CCDC122: variants seen among roughly 807,000 people sequenced by gnomAD.
CCDC122 encodes coiled-coil domain-containing protein 122.
CCDC122 carries 38 observed loss-of-function variants against 37.0 expected under a neutral mutation model. That is an observed-to-expected ratio of 1.03 (90% CI 0.79 to 1.35). The LOEUF is 1.35. Ranked by LOEUF, CCDC122 falls within the 40% of genes most tolerant of loss-of-function variation. The pLI, the probability that CCDC122 is intolerant of heterozygous loss-of-function variation, is 0.00. For missense variants in CCDC122, 305 were observed against 310.0 expected (o/e 0.98, Z 0.12); for synonymous variants, 83 against 95.6 (o/e 0.87, Z 0.77).
At chr13:43,845,527 A>G (rs1209727628) in intron 6 of CCDC122, among the ~76,000 whole-genome samples, 1 of 152,200 alleles carries the variant, frequency 6.6e-6, no homozygotes, top group Non-Finnish European at 1.5e-5. Flanking sequence ...CCTGGCCAGC[A>G]TGGCAAAACC....
intron 4 of CCDC122, among the ~76,000 whole-genome samples, chr13:43,867,246 G>A (rs1016546703): frequency 6.6e-6 from 1 of 151,994 alleles, no homozygotes; most frequent in Non-Finnish European, 1.5e-5. Flanking sequence ...TTAGAATAAA[G>A]TTGAAGTTTC....
intron 3 of CCDC122, among the ~76,000 whole-genome samples, chr13:43,824,712 T>C (rs1442637551): frequency 6.6e-6 from 1 of 151,816 alleles, no homozygotes; most frequent in Non-Finnish European, 1.5e-5. Flanking sequence ...CAAGAAAAAA[T>C]CAACCCCATT....
intron 3 of CCDC122, among the ~76,000 whole-genome samples, chr13:43,827,082 T>C (rs1953047725): frequency 6.6e-6 from 1 of 152,188 alleles, no homozygotes; most frequent in South Asian, 2.1e-4. Flanking sequence ...ATGGAACACT[T>C]TACATAATTT....
At chr13:43,820,968 TG>T (rs1952988878), downstream of CCDC122, among the ~76,000 whole-genome samples, 1 of 152,244 alleles carries the variant, frequency 6.6e-6, no homozygotes, top group Non-Finnish European at 1.5e-5. Context: ...GAACAATGTT[TG>T]ATATCAACTT....
intron 6 of CCDC122, among the ~76,000 whole-genome samples, chr13:43,841,606 A>G (rs1953354750): frequency 1.3e-5 from 2 of 152,202 alleles, no homozygotes; most frequent in African/African-American, 4.8e-5. Context: ...ACTTTATTAT[A>G]GGCTGATAGG....
At chr13:43,878,099 C>A (rs1168365900) in intron 1 of CCDC122, 1 of 151,906 alleles carries the variant, frequency 6.6e-6, no homozygotes, top group Non-Finnish European at 1.5e-5. Flanking sequence ...TTTTCTTTTT[C>A]ATTTTTTTTT....
chr13:43,842,472 C>A (rs974087940), intron 6 of CCDC122, among the ~76,000 whole-genome samples: 2 of 151,322 alleles, frequency 1.3e-5, no homozygotes, highest in Non-Finnish European at 2.9e-5. Context: ...TTAGGTCCTA[C>A]AAATTTATTC....
chr13:43,851,962 AC>A (rs1302658528), intron 6 of CCDC122, among the ~76,000 whole-genome samples: 3 of 150,650 alleles, frequency 2.0e-5, no homozygotes, highest in Non-Finnish European at 4.4e-5. Context: ...GAAAAAAAAA[AC>A]ATCCAAAGGT....
At chr13:43,863,378 T>C (rs759545947) in intron 4 of CCDC122, among the ~76,000 whole-genome samples, 3 of 152,226 alleles carry the variant, frequency 2.0e-5, no homozygotes, top group Non-Finnish European at 2.9e-5. Context: ...CTAAGTAGTA[T>C]TCCGTTGTAT....
At position 43,865,692 on chromosome 13, in the gene CCDC122, C is replaced by T. The variant is rs559327112; in HGVS notation, c.156+3002G>A. ...GTTGGCCAGGCTGGTCTCGAACTCC[C>T]GACCTCAAGTTATCCATCTGCCTCG... On this transcript the variant is annotated intron_variant, in intron 4 of 6. Coordinates refer to ENST00000444614, the MANE Select transcript of CCDC122 (RefSeq NM_144974.5). 1.7e-3 allele frequency among the ~76,000 whole-genome samples: 263 copies of T among 152,092 alleles called. 1 individual carries two copies. Among genetic ancestry groups the T allele is most frequent in the African/African-American group, 6.1e-3 (253 of 41,492 alleles).
At chr13:43,844,965 A>G (rs1228823098) in intron 6 of CCDC122, among the ~76,000 whole-genome samples, 1 of 152,162 alleles carries the variant, frequency 6.6e-6, no homozygotes, top group East Asian at 1.9e-4. Context: ...TTTACATTTA[A>G]TGTAACTAAT....
chr13:43,847,791 T>C (rs1953593571), intron 6 of CCDC122, among the ~76,000 whole-genome samples: 1 of 152,194 alleles, frequency 6.6e-6, no homozygotes, highest in Non-Finnish European at 1.5e-5. Flanking sequence ...TTTCCCTTTG[T>C]TGAGACAGGG....
At chr13:43,852,642 G>A (rs1953779371) in intron 6 of CCDC122, among the ~76,000 whole-genome samples, 1 of 151,892 alleles carries the variant, frequency 6.6e-6, no homozygotes, top group African/African-American at 2.4e-5. Flanking sequence ...GAGAACCCCA[G>A]TAAGATGCTT....
At chr13:43,835,120 C>G (rs1177926001), downstream of CCDC122, among the ~76,000 whole-genome samples, 2 of 152,062 alleles carry the variant, frequency 1.3e-5, no homozygotes, top group African/African-American at 4.8e-5. Context: ...CCATGGAATA[C>G]TATGCAGCCA....
In CCDC122 at chr13:43,827,722, T is replaced by C. The variant is rs549830485; in HGVS notation, n.602-3711A>G. Among the ~76,000 whole-genome samples, 12 of 152,320 alleles carry C rather than the reference T, an allele frequency of 7.9e-5. No individual in the cohort carries two copies. The East Asian group carries it at 2.3e-3, about 29-fold the overall frequency. ...GCAGGGCTGACTGTGGGCTTGAGCG[T>C]GCTCAGATTTTGTTACACATAGGGG... On this transcript the variant is annotated intron_variant and non_coding_transcript_variant, in intron 3 of 3. Coordinates refer to the CCDC122 transcript ENST00000470137.
intron 6 of CCDC122, among the ~76,000 whole-genome samples, chr13:43,843,254 T>G (rs2325087): frequency 0.89 from 135,600 of 151,990 alleles, 61,265 homozygotes; most frequent in South Asian, 0.98. Context: ...GCTATTCTCA[T>G]AAAATTTGTT....
At chr13:43,863,093 C>T (rs1954164104) in intron 4 of CCDC122, among the ~76,000 whole-genome samples, 1 of 152,100 alleles carries the variant, frequency 6.6e-6, no homozygotes, top group East Asian at 1.9e-4. Flanking sequence ...CCTTCTTGTG[C>T]TCATAAGACC....
In CCDC122 at chr13:43,837,382, C is replaced by T. The variant is rs1953202158; in HGVS notation, c.720G>A (p.Gln240=). The T allele has an allele frequency of 6.2e-7, 1 of 1,613,864 alleles. No individual in the cohort carries two copies. ...YDAILKRLHC[Q]VNKLQSNRRQ... Reference sequence around the variant, plus strand: ...GTCTATTTGACTGAAGCTTGTTCACCTGACAATGCAAACGCTTAAGAATTG... The same window carrying T: ...GTCTATTTGACTGAAGCTTGTTCACTTGACAATGCAAACGCTTAAGAATTG... Residue 240 remains glutamine (Q), a synonymous_variant, in exon 7 of 7, where the codon CAG becomes CAA. Coordinates refer to ENST00000444614, the MANE Select transcript of CCDC122 (RefSeq NM_144974.5).
intron 6 of CCDC122, chr13:43,855,390 CA>C (rs1408127628): frequency 0.023 from 3,511 of 151,898 alleles, 106 homozygotes; most frequent in East Asian, 0.13. Flanking sequence ...CACACACACA[CA>C]CACCCCTAAG....
Sources: gnomAD v4.1 joint callset for allele counts (sites outside exome capture counted in the v4.1 genomes callset) on GRCh38, gnomAD v4.1.1 for gene constraint, MANE v1.5 for transcripts, NCBI Gene and HGNC (gene_info 2026-07-23, HGNC 2026-07-21) for gene names.